The following TCERG1 variants were observed in gnomAD, a reference collection of about 807,000 sequenced individuals.
The protein encoded by TCERG1 is transcription elongation regulator 1, also known as TATA box binding protein (TBP)-associated factor, RNA polymerase II, S, 150kD.
Under a neutral mutation model 144.7 loss-of-function variants are expected in TCERG1, and 37 were observed. That is an observed-to-expected ratio of 0.26 (90% CI 0.20 to 0.34). The LOEUF is 0.34. TCERG1 is among the 10% of genes least tolerant of loss of function. The pLI is 1.00. For synonymous variants in TCERG1, 492 were observed against 458.2 expected (o/e 1.07, Z -0.94); for missense variants, 1,027 against 1,380.7 (o/e 0.74, Z 4.06).
chr5:146,467,983 T>C (rs141097804), intron 5 of TCERG1, among the ~76,000 whole-genome samples: 432 of 152,330 alleles, frequency 2.8e-3, no homozygotes, highest in Admixed American at 4.8e-3. Context: ...TTTACTGGTA[T>C]CTAAGCAACA....
At chr5:146,476,485 A>T (rs1764847471) in intron 9 of TCERG1, among the ~76,000 whole-genome samples, 1 of 152,206 alleles carries the variant, frequency 6.6e-6, no homozygotes, top group Admixed American at 6.5e-5. Flanking sequence ...TTTTAAAGGC[A>T]CTTGGAATAG....
intron 4 of TCERG1, among the ~76,000 whole-genome samples, chr5:146,460,300 C>A (rs1012841983): frequency 6.6e-6 from 1 of 150,952 alleles, no homozygotes; most frequent in South Asian, 2.1e-4. Flanking sequence ...ATTAATGTGA[C>A]AATATTGCTT....
At position 146,498,645 on chromosome 5, in the gene TCERG1, A is replaced by G; in HGVS notation, c.2392A>G (p.Arg798Gly). Residue 798 changes from arginine (R) to glycine (G), a missense_variant, in exon 17 of 23, where the codon AGG becomes GGG. By Grantham distance (125) the Arg-to-Gly change is moderately radical. This residue lies in a region of TCERG1 where 482 missense variants were observed against 632.6 expected (regional missense o/e 0.76). Transcript: ENST00000679501. ...GTTTAATGAGTTTGTGGCCGCTGCT[A>G]GGAAGAAAGAGAAAGAAGATTCGAA... Reference protein sequence around the residue: ...ALFNEFVAAARKKEKEDSKTR... With the variant: ...ALFNEFVAAAGKKEKEDSKTR... 6.2e-7 allele frequency: 1 copy of G among 1,611,044 alleles called. No individual in the cohort carries two copies. The highest frequency in any genetic ancestry group is 8.5e-7 in the Non-Finnish European group (1 of 1,178,712).
chr5:146,471,083 C>G (rs1187566726), intron 8 of TCERG1, among the ~76,000 whole-genome samples: 1 of 152,152 alleles, frequency 6.6e-6, no homozygotes, highest in Admixed American at 6.5e-5. Flanking sequence ...TCTGTCCTTT[C>G]TGCTGTTGTG....
intron 13 of TCERG1, 114 bp downstream of exon 13, chr5:146,481,314 GTTAT>G (rs1765346649): frequency 2.2e-6 from 1 of 453,142 alleles, no homozygotes; most frequent in Non-Finnish European, 2.9e-6. Flanking sequence ...TTCTATAAAG[GTTAT>G]TTGTTTTTAT....
intron 17 of TCERG1, among the ~76,000 whole-genome samples, chr5:146,502,378 T>C (rs770476232): frequency 1.3e-5 from 2 of 152,220 alleles, no homozygotes; most frequent in Non-Finnish European, 2.9e-5. Flanking sequence ...CAGAATCCTT[T>C]GTTGAAATGA....
At chr5:146,469,457 A>T in intron 6 of TCERG1, 87 bp from the exon 7 acceptor site, 1 of 1,099,916 alleles carries the variant, frequency 9.1e-7, no homozygotes, top group Non-Finnish European at 1.3e-6. Context: ...ATTAATATTT[A>T]ATAGAAAGAT....
rs2150558928 is a variant in TCERG1 at position 146,482,706 on chromosome 5, G to A, written c.2052G>A (p.Lys684=). The change falls in exon 14 of 23, where the codon AAG becomes AAA. Residue 684 remains lysine (K), a synonymous_variant. Transcript: ENST00000679501. ...TGGAGGCTCGAATGAAGCAGTTCAA[G>A]GACATGCTGCTAGAGAGAGGGGTCA... ...VPLEARMKQF[K]DMLLERGVSA... The A allele has an allele frequency of 1.9e-6, 3 of 1,612,364 alleles. No individual in the cohort carries two copies. In the East Asian group the frequency reaches 6.7e-5, roughly 36 times the overall value.
At position 146,510,779 on chromosome 5, in the gene TCERG1, T is replaced by C; in HGVS notation, c.*137T>C. On this transcript the variant is annotated 3_prime_UTR_variant, in exon 23 of 23. Transcript: ENST00000679501. ...AGAAGGAGAAGCATTTGTGAACAGTTTCTGAACAGAACACTTTGGAAATAT... is the reference window on the plus strand; with the variant it reads ...AGAAGGAGAAGCATTTGTGAACAGTCTCTGAACAGAACACTTTGGAAATAT... 1 of 752,512 alleles carries C rather than the reference T, an allele frequency of 1.3e-6. No homozygotes were observed. The allele number at this position is 752,512 out of a possible 1,614,324, so 46.6% of individuals were successfully genotyped here. A position where few individuals can be genotyped will look rare whatever the true frequency, so the allele number is the denominator to read the frequency against.
intron 9 of TCERG1, among the ~76,000 whole-genome samples, chr5:146,471,995 C>T (rs1319611147): frequency 2.6e-5 from 4 of 152,166 alleles, no homozygotes; most frequent in African/African-American, 9.7e-5. Flanking sequence ...ATGTTTTTAT[C>T]TACTGAATAT....
rs1768122648 is a variant in TCERG1, at chr5:146,507,644, G to A, written c.2962-229G>A. The A allele has an allele frequency of 2.5e-6, 1 of 403,268 alleles. No individual in the cohort carries two copies. Among genetic ancestry groups the A allele is most frequent in the East Asian group, 3.9e-5 (1 of 25,800 alleles). The allele number at this position is 403,268 out of a possible 1,614,324, so 25.0% of individuals were successfully genotyped here. On this transcript the variant is annotated intron_variant, in intron 20 of 22. Transcript: ENST00000679501. The surrounding 1 kb of genome is among the most constrained non-coding windows in gnomAD (Gnocchi z 4.6). The stretch of plus-strand genomic sequence containing the variant: ...CCATGTAAATACAGGGTTTGCAGGT[G>A]ATTGTCTTAGGCCACCTTGAAAGTA...
chr5:146,495,517 A>G (rs1766809614), intron 16 of TCERG1, among the ~76,000 whole-genome samples: 1 of 152,240 alleles, frequency 6.6e-6, no homozygotes, highest in Non-Finnish European at 1.5e-5. Flanking sequence ...TGTTCAAACC[A>G]GGTTTGCAAT....
chr5:146,486,575 C>T (rs554311037), intron 15 of TCERG1, among the ~76,000 whole-genome samples: 108 of 152,254 alleles, frequency 7.1e-4, no homozygotes, highest in African/African-American at 2.3e-3. Flanking sequence ...AAAGCTTTTC[C>T]TCTAAGAACT....
chr5:146,466,477 G>A (rs374529897), intron 5 of TCERG1, among the ~76,000 whole-genome samples: 1 of 152,132 alleles, frequency 6.6e-6, no homozygotes, highest in Non-Finnish European at 1.5e-5. Flanking sequence ...ATCTTATCTG[G>A]AATTTTAAGA....
chr5:146,457,448 G>A, intron 3 of TCERG1, 113 bp downstream of exon 3: 1 of 1,059,280 alleles, frequency 9.4e-7, no homozygotes, highest in Non-Finnish European at 1.3e-6. Flanking sequence ...CCCTGGGTGA[G>A]CAGGGAATGG....
At position 146,485,123 on chromosome 5, in the gene TCERG1, G is replaced by A. The variant is rs569663324; in HGVS notation, c.2163+1494G>A. Among the ~76,000 whole-genome samples, 9 of 152,068 alleles carry A rather than the reference G, an allele frequency of 5.9e-5. No individual in the cohort carries two copies. In the South Asian group the frequency reaches 1.9e-3, roughly 32 times the overall value. The stretch of plus-strand genomic sequence containing the variant: ...ATACCTCTTGATGGTCTTTTTTAAT[G>A]TCTGTTGATTACAGCCACACTGGCC... On this transcript the variant is annotated intron_variant, in intron 15 of 22. Transcript: ENST00000679501.
chr5:146,501,918 T>G (rs1015251124), intron 17 of TCERG1, among the ~76,000 whole-genome samples: 3 of 113,872 alleles, frequency 2.6e-5, no homozygotes. Context: ...TTTTTTGAGA[T>G]GGAGTTTTGC....
At chr5:146,475,389 C>T (rs951942157) in intron 9 of TCERG1, among the ~76,000 whole-genome samples, 1 of 151,900 alleles carries the variant, frequency 6.6e-6, no homozygotes, top group African/African-American at 2.4e-5. Flanking sequence ...CCCTAGTGGA[C>T]GTTTGGCAAT....
In TCERG1 at chr5:146,468,402, C is replaced by T. The variant is rs951591817; in HGVS notation, c.1197C>T (p.Thr399=). The T allele has an allele frequency of 4.4e-6, 7 of 1,608,962 alleles. No individual in the cohort carries two copies. The highest frequency in any genetic ancestry group is 1.3e-5 in the African/African-American group (1 of 74,568). ...PYVKTVATTK[T]GVLPGMAPPI... ...TAAAGACAGTCGCTACCACCAAGAC[C>T]GGTAATTTTTAAAACCATCTTAGTT... The change falls in exon 6 of 23, where the codon ACC becomes ACT. Residue 399 remains threonine, a splice_region_variant and synonymous_variant. Coordinates refer to ENST00000679501, the MANE Select transcript of TCERG1 (RefSeq NM_001382548.1).
Sources: allele counts gnomAD v4.1 joint callset (sites outside exome capture counted in the v4.1 genomes callset), GRCh38; gene constraint gnomAD v4.1.1; regional missense constraint gnomAD v4.1.1; non-coding constraint Gnocchi (gnomAD v3.1); transcripts MANE v1.5; gene names NCBI Gene and HGNC (gene_info 2026-07-23, HGNC 2026-07-21).